ADAM10: variants seen among roughly 807,000 people sequenced by gnomAD.
ADAM10 encodes the protein ADAM metallopeptidase domain 10.
ADAM10 carries 17 observed loss-of-function variants against 90.1 expected under a neutral mutation model. The observed-to-expected ratio is 0.19, with a 90% CI of 0.13 to 0.28. The LOEUF is 0.28. Ranked by LOEUF, ADAM10 falls within the 10% of genes least tolerant of loss-of-function variation. The pLI is 1.00. For synonymous variants in ADAM10, 310 were observed against 298.6 expected (o/e 1.04, Z -0.40); for missense variants, 610 against 914.3 (o/e 0.67, Z 4.29).
intron 15 of ADAM10, among the ~76,000 whole-genome samples, chr15:58,599,318 T>TTA (rs527760674): frequency 0.01 from 1,424 of 141,744 alleles, 22 homozygotes; most frequent in African/African-American, 0.034. Context: ...AGAATATATT[T>TTA]AAAAAAAAAA....
chr15:58,672,678 G>A (rs1440728002), intron 4 of ADAM10: 2 of 151,030 alleles, frequency 1.3e-5, no homozygotes, highest in African/African-American at 2.5e-5. Flanking sequence ...TGGGAAAGAT[G>A]TGGATATGGT....
chr15:58,639,431 A>T (rs1194321055), intron 8 of ADAM10, among the ~76,000 whole-genome samples: 1 of 152,224 alleles, frequency 6.6e-6, no homozygotes, highest in Non-Finnish European at 1.5e-5. Context: ...AGTACTTACT[A>T]ATGAATAGGG....
intron 3 of ADAM10, among the ~76,000 whole-genome samples, chr15:58,680,250 G>C (rs556207390): frequency 1.3e-5 from 2 of 151,952 alleles, no homozygotes; most frequent in Admixed American, 1.3e-4. Context: ...CGCCTCCCTA[G>C]TAGCTGGGAC....
chr15:58,749,420 C>T (rs1899905370), intron 1 of ADAM10, 60 bp downstream of exon 1: 3 of 1,482,016 alleles, frequency 2.0e-6, no homozygotes, highest in Admixed American at 4.5e-5. Context: ...GGGCTCCGCT[C>T]GGCCCGGCCG....
At chr15:58,708,459 C>T (rs1439591871) in intron 2 of ADAM10, among the ~76,000 whole-genome samples, 4 of 151,954 alleles carry the variant, frequency 2.6e-5, no homozygotes, top group Admixed American at 1.3e-4. Flanking sequence ...CCCAAGAGTT[C>T]GAGACCGGCC....
In ADAM10 at chr15:58,594,509, A is replaced by G. The variant is rs1894900945; in HGVS notation, c.*3038T>C. 1 of 152,228 alleles carries G rather than the reference A, an allele frequency of 6.6e-6. No homozygotes were observed. Among genetic ancestry groups the G allele is most frequent in the Non-Finnish European group, 1.5e-5 (1 of 68,040 alleles). The allele number at this position is 152,228 out of a possible 1,614,324, so 9.4% of individuals were successfully genotyped here. On this transcript the variant is annotated 3_prime_UTR_variant, in exon 16 of 16. Transcript: ENST00000260408. ...ACCCAAAGCATAAAGTGTTGAAGAC[A>G]CCTCACAAAACAAGACTGATCAGAG...
chr15:58,645,677 C>T (rs578185412), intron 6 of ADAM10, among the ~76,000 whole-genome samples: 2 of 151,970 alleles, frequency 1.3e-5, no homozygotes, highest in Non-Finnish European at 2.9e-5. Flanking sequence ...GACACAAGTA[C>T]AAATAATAAT....
At chr15:58,726,666 T>C (rs1488180764) in intron 1 of ADAM10, among the ~76,000 whole-genome samples, 1 of 142,510 alleles carries the variant, frequency 7.0e-6, no homozygotes, top group African/African-American at 2.7e-5. Context: ...AATAGAAAGA[T>C]GACAGTTTAA....
In ADAM10 at chr15:58,592,312, G is replaced by T. The variant is rs970466019; in HGVS notation, c.*5235C>A. ...ATTCTATCATTTCTCTTATTACCTG[G>T]AATTTCTTTAAAAGCGTATCCCAAA... On this transcript the variant is annotated 3_prime_UTR_variant, in exon 16 of 16. Transcript: ENST00000260408. 6.6e-6 allele frequency: 1 copy of T among 152,140 alleles called. No individual in the cohort carries two copies. The highest frequency in any genetic ancestry group is 1.5e-5 in the Non-Finnish European group (1 of 68,026). The allele number at this position is 152,140 out of a possible 1,614,324, so 9.4% of individuals were successfully genotyped here. A position where few individuals can be genotyped will look rare whatever the true frequency, so the allele number is the denominator to read the frequency against.
chr15:58,684,877 A>G (rs1289360640), intron 2 of ADAM10, among the ~76,000 whole-genome samples: 2 of 152,182 alleles, frequency 1.3e-5, no homozygotes, highest in African/African-American at 4.8e-5. Context: ...CTAGCTCCAG[A>G]TATTTACTGT....
At chr15:58,646,710 A>C (rs543148686) in intron 5 of ADAM10, among the ~76,000 whole-genome samples, 7 of 152,364 alleles carry the variant, frequency 4.6e-5, no homozygotes, top group African/African-American at 1.7e-4. Flanking sequence ...TGTTTTCAAA[A>C]CGCAAATTTG....
intron 5 of ADAM10, among the ~76,000 whole-genome samples, chr15:58,653,934 T>C (rs568253163): frequency 6.6e-6 from 1 of 152,334 alleles, no homozygotes; most frequent in Admixed American, 6.5e-5. Flanking sequence ...GGTTCAATCT[T>C]GGTAGGTTGT....
At chr15:58,691,126 T>G (rs766253662) in intron 2 of ADAM10, 3 of 681,996 alleles carry the variant, frequency 4.4e-6, no homozygotes, top group Non-Finnish European at 8.5e-6. Context: ...CTGGTCACAA[T>G]GCGGCAGGGT....
intron 12 of ADAM10, 53 bp from the exon 13 acceptor site, chr15:58,611,160 T>G (rs1208522184): frequency 7.5e-7 from 1 of 1,327,746 alleles, no homozygotes; most frequent in African/African-American, 1.4e-5. Context: ...TCAAACCTAT[T>G]TTTTATAGTA....
At chr15:58,603,763 C>T (rs1416133426) in intron 14 of ADAM10, among the ~76,000 whole-genome samples, 1 of 149,726 alleles carries the variant, frequency 6.7e-6, no homozygotes, top group Non-Finnish European at 1.5e-5. Context: ...CGATAAAGTA[C>T]AGCAAAGTGT....
rs1894796600 is a variant in ADAM10 at position 58,590,180 on chromosome 15, A to T, written c.*7367T>A. 6.6e-6 allele frequency: 1 copy of T among 152,150 alleles called. No homozygotes were observed. The allele number at this position is 152,150 out of a possible 1,614,324, so 9.4% of individuals were successfully genotyped here. Reference sequence around the variant, plus strand: ...TCCTGATGTCCCACCCTCCTTTCTCAGTCCTATCTCTGCATTATCAGCTGT... The same window carrying T: ...TCCTGATGTCCCACCCTCCTTTCTCTGTCCTATCTCTGCATTATCAGCTGT... On this transcript the variant is annotated 3_prime_UTR_variant, in exon 16 of 16. Coordinates refer to ENST00000260408, the MANE Select transcript of ADAM10 (RefSeq NM_001110.4).
intron 1 of ADAM10, chr15:58,748,117 T>C (rs1339251127): frequency 6.6e-6 from 1 of 152,216 alleles, no homozygotes; most frequent in Non-Finnish European, 1.5e-5. Context: ...AATGTGTGTC[T>C]TGCTTGATGA....
At chr15:58,638,626 A>G (rs1300969712) in intron 8 of ADAM10, among the ~76,000 whole-genome samples, 3 of 151,272 alleles carry the variant, frequency 2.0e-5, no homozygotes, top group Non-Finnish European at 4.4e-5. Context: ...AAAAAAAAAA[A>G]AAAAAAAAAG....
At chr15:58,690,977 C>A in intron 2 of ADAM10, 1 of 469,492 alleles carries the variant, frequency 2.1e-6, no homozygotes. Context: ...CCTCAGCCTT[C>A]TGCTGTAGTG....
Sources: gnomAD v4.1 joint callset for allele counts (sites outside exome capture counted in the v4.1 genomes callset) on GRCh38, gnomAD v4.1.1 for gene constraint, MANE v1.5 for transcripts, NCBI Gene and HGNC (gene_info 2026-07-23, HGNC 2026-07-21) for gene names.